DSP: variants seen among roughly 807,000 people sequenced by gnomAD.
DSP encodes the protein desmoplakin, also known as 250/210 kDa paraneoplastic pemphigus antigen.
DSP carries 114 observed loss-of-function variants against 290.6 expected under a neutral mutation model. That is an observed-to-expected ratio of 0.39 (90% confidence interval 0.34 to 0.46). The LOEUF (loss-of-function observed/expected upper bound fraction) is 0.46, where lower values mean the gene tolerates loss of function less well. DSP is among the 20% of genes least tolerant of loss of function. The probability of loss-of-function intolerance (pLI) is 0.99; values close to 1 mark genes in which losing one functional copy is unlikely to be tolerated. For missense variants in DSP, 3,230 were observed against 3,495.8 expected (o/e 0.92, Z 1.92); for synonymous variants, 1,311 against 1,316.4 (o/e 1.00, Z 0.09).
At chr6:7,574,347 TGTTACTAG>T in intron 16 of DSP, 95 bp downstream of exon 16, 3 of 1,303,138 alleles carry the variant, frequency 2.3e-6, no homozygotes, top group Non-Finnish European at 3.3e-6. Flanking sequence ...ACAGTTTCTC[TGTTACTAG>T]AGATTTACTT....
intron 1 of DSP, among the ~76,000 whole-genome samples, chr6:7,554,296 G>A (rs534986868): frequency 2.0e-5 from 3 of 152,200 alleles, no homozygotes; most frequent in African/African-American, 7.2e-5. Flanking sequence ...GCTGTGCTGT[G>A]GCATAATATA....
intron 5 of DSP, 66 bp downstream of exon 5, chr6:7,562,846 T>C (rs1758745609): frequency 1.2e-6 from 2 of 1,605,168 alleles, no homozygotes; most frequent in Non-Finnish European, 1.7e-6. Flanking sequence ...AATTACTCAA[T>C]CCCAGGGAGT....
At position 7,565,587 on chromosome 6, in the gene DSP, G is replaced by A. The variant is rs191436754; in HGVS notation, c.939+67G>A. 4.3e-5 allele frequency: 68 copies of A among 1,584,446 alleles called. No individual in the cohort carries two copies. In the East Asian group the frequency reaches 9.4e-4, roughly 22 times the overall value. On this transcript the variant is annotated intron_variant, in intron 7 of 23. Coordinates refer to ENST00000379802, the MANE Select transcript of DSP (RefSeq NM_004415.4). The surrounding 1 kb of genome is among the most constrained non-coding windows in gnomAD (Gnocchi z 4.2). ...TGTTGCCTTGAAGAGCTGGGGTCTCGGGGAATGATTGGTCTATTAATAATT... is the reference window on the plus strand; with the variant it reads ...TGTTGCCTTGAAGAGCTGGGGTCTCAGGGAATGATTGGTCTATTAATAATT...
intron 3 of DSP, 54 bp from the exon 4 acceptor site, chr6:7,559,172 C>T (rs115485397): frequency 7.5e-6 from 12 of 1,600,326 alleles, no homozygotes; most frequent in Admixed American, 3.3e-5. Flanking sequence ...TTGCCCAGAA[C>T]GGGTTTTCAT....
At chr6:7,553,796 C>G (rs967090336) in intron 1 of DSP, among the ~76,000 whole-genome samples, 2 of 152,150 alleles carry the variant, frequency 1.3e-5, no homozygotes, top group Admixed American at 1.3e-4. Flanking sequence ...CTGGCACCAC[C>G]TCCCCTGGGC....
Position 7,570,468 on chromosome 6 carries a change from CTG to C in DSP, c.1609_1610del (p.Trp537GlufsTer19). ...IEQYYEAILALWNQLYINMKS... is the reference protein window; with the variant it reads ...IEQYYEAILAXWNQLYINMKS... The stretch of plus-strand genomic sequence containing the variant: ...GCAGTACTACGAAGCCATCTTGGCT[CTG>C]TGGAACCAGCTCTACATCAACATGA... On this transcript the variant is annotated frameshift_variant, in exon 13 of 24. Transcript: ENST00000379802. LOFTEE classifies it high-confidence loss of function. The C allele has an allele frequency of 6.2e-7, 1 of 1,614,140 alleles. No homozygotes were observed.
rs780567419 is a variant in DSP, at chr6:7,567,800, C to T, written c.1160C>T (p.Ser387Phe). ...AYFQFFEEAQ[S>F]TEAYLKGLQD... is the part of the protein sequence containing the mutation. ...TCACAGTTTTTTGAAGAGGCGCAGT[C>T]TACTGAAGCATACCTGAAGGGGCTC... The change falls in exon 10 of 24, where the codon TCT becomes TTT. Residue 387 changes from serine (S) to phenylalanine (F), a missense_variant. By Grantham distance (155) the Ser-to-Phe change is radical (BLOSUM62 -2). Around this residue, in one of 5 missense-constraint regions of DSP, gnomAD observed 646 missense variants for 684.3 expected, o/e 0.94. Transcript: ENST00000379802. 1.2e-6 allele frequency: 2 copies of T among 1,613,868 alleles called. No individual in the cohort carries two copies. Among genetic ancestry groups the T allele is most frequent in the Non-Finnish European group, 1.7e-6 (2 of 1,179,952 alleles).
At chr6:7,551,321 C>G (rs1360147252) in intron 1 of DSP, among the ~76,000 whole-genome samples, 1 of 152,072 alleles carries the variant, frequency 6.6e-6, no homozygotes, top group Admixed American at 6.6e-5. Context: ...TGAATTACAG[C>G]TTTTAAAAAA....
Position 7,579,183 on chromosome 6 carries a change from A to C in DSP, c.3085-92A>C. On this transcript the variant is annotated intron_variant, in intron 22 of 23. Coordinates refer to ENST00000379802, the MANE Select transcript of DSP (RefSeq NM_004415.4). This position sits in a 1 kb window ranked among gnomAD's most constrained non-coding sequence, Gnocchi z 4.1. Reference sequence around the variant, plus strand: ...TCCATGTGTGTAAAGAGAAATAAGAATGCACATTGGTCTGGGAGGGGAAAA... The same window carrying C: ...TCCATGTGTGTAAAGAGAAATAAGACTGCACATTGGTCTGGGAGGGGAAAA... 1 of 1,528,550 alleles carries C rather than the reference A, an allele frequency of 6.5e-7. No homozygotes were observed. The highest frequency in any genetic ancestry group is 1.2e-5 in the South Asian group (1 of 84,812). 94.7% of individuals were successfully genotyped at this position (1,528,550 alleles called of 1,614,324 possible).
chr6:7,584,996 C>G lies in DSP; in HGVS notation c.7734C>G (p.Ser2578Arg), dbSNP rs28763970. Residue 2578 changes from serine (S) to arginine (R), a missense_variant, in exon 24 of 24, where the codon AGC becomes AGG. Physicochemically the swap from Ser to Arg is moderately radical, Grantham distance 110. This residue lies in a region of DSP where 582 missense variants were observed against 555.4 expected (regional missense o/e 1.05). Transcript: ENST00000379802. This position sits in a 1 kb window ranked among gnomAD's most constrained non-coding sequence, Gnocchi z 6.4. ...GTSSSMGSGV[S>R]DDVFSSSRHE... ...GCAGCAGCATGGGCAGTGGTGTCAG[C>G]GATGATGTTTTTAGCAGCTCCCGAC... 1 of 1,614,128 alleles carries G rather than the reference C, an allele frequency of 6.2e-7. No homozygotes were observed. The highest frequency in any genetic ancestry group is 8.5e-7 in the Non-Finnish European group (1 of 1,180,028).
Position 7,568,672 on chromosome 6 carries a change from C to G in DSP, c.1419+83C>G. 2.7e-6 allele frequency: 4 copies of G among 1,459,448 alleles called. No individual in the cohort carries two copies. The East Asian group carries it at 9.1e-5, about 33-fold the overall frequency. 90.4% of individuals were successfully genotyped at this position (1,459,448 alleles called of 1,614,324 possible). A position where few individuals can be genotyped will look rare whatever the true frequency, so the allele number is the denominator to read the frequency against. On this transcript the variant is annotated intron_variant, in intron 11 of 23. Transcript: ENST00000379802. The stretch of plus-strand genomic sequence containing the variant: ...GTCCATCAAGAAAGCAACATTTAAT[C>G]TAGAGTTCAATAATCACCACAGTCA...
chr6:7,548,598 A>C (rs527353733), intron 1 of DSP, among the ~76,000 whole-genome samples: 21 of 152,238 alleles, frequency 1.4e-4, no homozygotes, highest in Non-Finnish European at 2.9e-4. Context: ...CCAAACACAC[A>C]GTGTGAAAAT....
chr6:7,566,368 C>G lies in DSP; in HGVS notation c.940-9C>G, dbSNP rs1016646349. On this transcript the variant is annotated splice_polypyrimidine_tract_variant and intron_variant, in intron 7 of 23. Transcript: ENST00000379802. ...TGCTGCAAAGGATTTCTTATTTCTT[C>G]ATTCACAGATACGCATGAGTCAACT... 3.1e-6 allele frequency: 5 copies of G among 1,607,948 alleles called. No homozygotes were observed. In the South Asian group the frequency reaches 5.5e-5, roughly 18 times the overall value.
intron 1 of DSP, among the ~76,000 whole-genome samples, chr6:7,546,610 G>A (rs560474358): frequency 2.2e-4 from 33 of 152,272 alleles, no homozygotes; most frequent in African/African-American, 6.7e-4. Context: ...CCACAATGAC[G>A]CAAGAGAAGA....
In DSP at chr6:7,568,574, C is replaced by T. The variant is rs1359278567; in HGVS notation, c.1404C>T (p.Asp468=). Residue 468 remains aspartate, a synonymous_variant, in exon 11 of 24, where the codon GAC becomes GAT. Coordinates refer to ENST00000379802, the MANE Select transcript of DSP (RefSeq NM_004415.4). ...CCATTATTCTCAGAGCTCTCTGTGA[C>T]TACAAACAAGATCAGGTGTGTACTC... The part of the protein sequence containing the change: ...NKPIILRALC[D]YKQDQKIVHK... The T allele has an allele frequency of 6.2e-7, 1 of 1,613,960 alleles. No homozygotes were observed. The highest frequency in any genetic ancestry group is 1.7e-5 in the Admixed American group (1 of 60,022).
chr6:7,559,304 G>C lies in DSP; in HGVS notation c.501G>C (p.Lys167Asn), dbSNP rs1270192488. 6.2e-7 allele frequency: 1 copy of C among 1,614,004 alleles called. No individual in the cohort carries two copies. Among genetic ancestry groups the C allele is most frequent in the East Asian group, 2.2e-5 (1 of 44,884 alleles). The change falls in exon 4 of 24, where the codon AAG becomes AAC. Residue 167 changes from lysine (K) to asparagine (N), a missense_variant. By Grantham distance (94) the Lys-to-Asn change is moderately conservative. This residue lies in a region of DSP where 646 missense variants were observed against 684.3 expected (regional missense o/e 0.94). Coordinates refer to ENST00000379802, the MANE Select transcript of DSP (RefSeq NM_004415.4). ...CTCGAGTCCGCAGGGCCAGCTCCAA[G>C]GGTGGTGGAGGCTACACTTGTCAGA... ...SVPRVRRASS[K>N]GGGGYTCQSG...
At chr6:7,550,687 T>A (rs921208105) in intron 1 of DSP, among the ~76,000 whole-genome samples, 6 of 152,088 alleles carry the variant, frequency 3.9e-5, no homozygotes, top group Admixed American at 3.9e-4. Flanking sequence ...CTCAGAAGAG[T>A]TAAAAACTTT....
chr6:7,568,006 G>A, intron 10 of DSP, 100 bp downstream of exon 10: 3 of 1,529,512 alleles, frequency 2.0e-6, no homozygotes, highest in Non-Finnish European at 8.9e-7. Context: ...ATTGTACAAT[G>A]CACGCCCAGA....
chr6:7,559,505 G>A, intron 4 of DSP, 105 bp downstream of exon 4: 1 of 1,430,156 alleles, frequency 7.0e-7, no homozygotes, highest in Admixed American at 1.9e-5. Flanking sequence ...GACCTCAGGT[G>A]GCGGCAGCAG....
Sources: allele counts gnomAD v4.1 joint callset (sites outside exome capture counted in the v4.1 genomes callset), GRCh38; gene constraint gnomAD v4.1.1; regional missense constraint gnomAD v4.1.1; non-coding constraint Gnocchi (gnomAD v3.1); transcripts MANE v1.5; gene names NCBI Gene and HGNC (gene_info 2026-07-23, HGNC 2026-07-21).